DAPK2: variants seen among roughly 807,000 people sequenced by gnomAD.
DAPK2 encodes death-associated protein kinase 2.
Under a neutral mutation model 44.1 loss-of-function variants are expected in DAPK2, and 35 were observed. The observed-to-expected ratio is 0.79, with a 90% CI of 0.61 to 1.05. The LOEUF is 1.05. Ranked by LOEUF, DAPK2 falls within the 50% of genes least tolerant of loss-of-function variation. The pLI is 0.00. For missense variants in DAPK2, 453 were observed against 483.2 expected (o/e 0.94, Z 0.59); for synonymous variants, 174 against 182.6 (o/e 0.95, Z 0.38).
chr15:64,032,402 T>C (rs2080041652), intron 1 of DAPK2, among the ~76,000 whole-genome samples: 2 of 152,244 alleles, frequency 1.3e-5, no homozygotes, highest in Admixed American at 1.3e-4. Context: ...CTCTGGCCTC[T>C]GTCTCAGTGC....
chr15:63,934,150 T>G (rs2077061215), intron 4 of DAPK2, among the ~76,000 whole-genome samples: 1 of 151,586 alleles, frequency 6.6e-6, no homozygotes, highest in Non-Finnish European at 1.5e-5. Context: ...CTAATATAAA[T>G]CAACATTTTG....
At chr15:63,965,252 A>G (rs1595813986) in intron 3 of DAPK2, among the ~76,000 whole-genome samples, 1 of 152,200 alleles carries the variant, frequency 6.6e-6, no homozygotes, top group Non-Finnish European at 1.5e-5. Context: ...ATCCAGAAAA[A>G]TTATCTGGTT....
At chr15:63,967,786 G>A (rs969352805) in intron 3 of DAPK2, among the ~76,000 whole-genome samples, 56 of 152,346 alleles carry the variant, frequency 3.7e-4, no homozygotes, top group African/African-American at 1.2e-3. Context: ...TTGCACAATG[G>A]CTGAACATAG....
rs1257731531 is a variant in DAPK2 at position 63,939,332 on chromosome 15, A to C, written c.483T>G (p.Asn161Lys). Reference sequence around the variant, plus strand: ...TCAGCTTGATGTGTGGAATGGGAATATTCTTGTCTAACAACATAATGTTTT... The same window carrying C: ...TCAGCTTGATGTGTGGAATGGGAATCTTCTTGTCTAACAACATAATGTTTT... Residue 161 changes from asparagine to lysine, a missense_variant, in exon 4 of 11, where the codon AAT (asparagine) becomes AAG (lysine). Transcript: ENST00000261891. This position sits in a 1 kb window ranked among gnomAD's most constrained non-coding sequence, Gnocchi z 4.3. The C allele has an allele frequency of 1.9e-6, 3 of 1,613,258 alleles. No individual in the cohort carries two copies. Among genetic ancestry groups the C allele is most frequent in the Non-Finnish European group, 2.5e-6 (3 of 1,179,706 alleles).
chr15:63,967,855 G>A (rs1384391272), intron 3 of DAPK2, among the ~76,000 whole-genome samples: 2 of 152,202 alleles, frequency 1.3e-5, no homozygotes, highest in African/African-American at 4.8e-5. Flanking sequence ...AGGTAGGCAA[G>A]AGAGTGAACC....
intron 1 of DAPK2, among the ~76,000 whole-genome samples, chr15:64,026,455 G>A (rs1481685569): frequency 6.6e-6 from 1 of 152,064 alleles, no homozygotes; most frequent in Non-Finnish European, 1.5e-5. Context: ...TGTTGGCTAG[G>A]CTGGTCTCAA....
chr15:63,996,883 C>A (rs2078964134), intron 1 of DAPK2, among the ~76,000 whole-genome samples: 1 of 152,176 alleles, frequency 6.6e-6, no homozygotes, highest in Non-Finnish European at 1.5e-5. Flanking sequence ...CCCCCATCCC[C>A]CTCTGCCCCC....
rs549719645 is a variant in DAPK2 at position 63,980,473 on chromosome 15, G to A, written c.314+3060C>T. On this transcript the variant is annotated intron_variant, in intron 2 of 10. Transcript: ENST00000261891. This position sits in a 1 kb window ranked among gnomAD's most constrained non-coding sequence, Gnocchi z 4.3. ...TGCAGGCACACAGCAACACTCCTAC[G>A]TTGTGGTAGTAATGGTTAACCAGCA... Among the ~76,000 whole-genome samples, 3 of 152,198 alleles carry A rather than the reference G, an allele frequency of 2.0e-5. No homozygotes were observed. Among genetic ancestry groups the A allele is most frequent in the East Asian group, 1.9e-4 (1 of 5,196 alleles).
intron 1 of DAPK2, among the ~76,000 whole-genome samples, chr15:64,023,708 C>CACCA (rs2079755759): frequency 6.6e-6 from 1 of 152,140 alleles, no homozygotes; most frequent in Admixed American, 6.5e-5. Flanking sequence ...AACTGATGAC[C>CACCA]ACTGGGCCTT....
At chr15:63,988,449 C>T (rs1221623343) in intron 1 of DAPK2, among the ~76,000 whole-genome samples, 4 of 152,046 alleles carry the variant, frequency 2.6e-5, no homozygotes, top group Non-Finnish European at 5.9e-5. Context: ...AAATGTCACA[C>T]CACGGGATCA....
chr15:64,010,744 T>C (rs1469304288), intron 1 of DAPK2, among the ~76,000 whole-genome samples: 1 of 152,236 alleles, frequency 6.6e-6, no homozygotes, highest in African/African-American at 2.4e-5. Context: ...TTTATCCCAT[T>C]CATGAAGACA....
At chr15:64,036,319 G>GTATATATA (rs57218056) in intron 1 of DAPK2, among the ~76,000 whole-genome samples, 679 of 56,624 alleles carry the variant, frequency 0.012, 54 homozygotes, top group African/African-American at 0.023. Context: ...GTATATATAT[G>GTATATATA]TATATATATA....
At chr15:63,997,169 G>C (rs1481978583) in intron 1 of DAPK2, among the ~76,000 whole-genome samples, 1 of 152,080 alleles carries the variant, frequency 6.6e-6, no homozygotes, top group Non-Finnish European at 1.5e-5. Flanking sequence ...GTGCCTTCAG[G>C]GTTGCCACTC....
At chr15:64,045,361 A>G (rs2080437543) in intron 1 of DAPK2, among the ~76,000 whole-genome samples, 1 of 152,194 alleles carries the variant, frequency 6.6e-6, no homozygotes. Flanking sequence ...AGGCCAAGGC[A>G]CCACGGCCTC....
intron 2 of DAPK2, among the ~76,000 whole-genome samples, chr15:63,977,267 T>C (rs1595838695): frequency 6.6e-6 from 1 of 152,176 alleles, no homozygotes; most frequent in South Asian, 2.1e-4. Flanking sequence ...GCTGGTGCAC[T>C]ATTTTCTCAG....
chr15:63,979,085 T>C (rs1015019238), intron 2 of DAPK2, among the ~76,000 whole-genome samples: 4 of 152,188 alleles, frequency 2.6e-5, no homozygotes, highest in African/African-American at 9.7e-5. Context: ...GGTATCGCTT[T>C]CCACAGGCTT....
chr15:63,921,706 A>G (rs1330262909), intron 8 of DAPK2: 1 of 152,260 alleles, frequency 6.6e-6, no homozygotes, highest in Non-Finnish European at 1.5e-5. Context: ...TGGCCTAGGT[A>G]CATAAGAAAA....
intron 1 of DAPK2, among the ~76,000 whole-genome samples, chr15:64,035,167 CA>C (rs34936207): frequency 1.1e-3 from 152 of 137,138 alleles, no homozygotes; most frequent in South Asian, 7.3e-3. Context: ...GGCTCCATCT[CA>C]AAAAAAAAAA....
chr15:63,971,801 G>A (rs951563003), intron 2 of DAPK2, among the ~76,000 whole-genome samples: 5 of 152,240 alleles, frequency 3.3e-5, no homozygotes, highest in Admixed American at 6.5e-5. Flanking sequence ...GTTGTCAGAA[G>A]AGCCTCTGCT....
Sources: allele counts gnomAD v4.1 joint callset (sites outside exome capture counted in the v4.1 genomes callset), GRCh38; gene constraint gnomAD v4.1.1; non-coding constraint Gnocchi (gnomAD v3.1); transcripts MANE v1.5; gene names NCBI Gene and HGNC (gene_info 2026-07-23, HGNC 2026-07-21).